The following ADGRL4 variants were observed in gnomAD, a reference collection of about 807,000 sequenced individuals.
ADGRL4 encodes the protein adhesion G protein-coupled receptor L4.
Under a neutral mutation model 74.8 loss-of-function variants are expected in ADGRL4, and 90 were observed. The ratio of observed to expected loss-of-function variants is 1.20; its 90% CI spans 1.02 to 1.43. ADGRL4 has a LOEUF of 1.43. Among genes scored for constraint, ADGRL4 ranks in the 40% most tolerant of loss-of-function variants. The probability of loss-of-function intolerance (pLI) is 0.00; values close to 1 mark genes in which losing one functional copy is unlikely to be tolerated. For synonymous variants in ADGRL4, 311 were observed against 279.2 expected (o/e 1.11, Z -1.14); for missense variants, 881 against 814.3 (o/e 1.08, Z -1.00).
chr1:78,997,084 G>A lies in ADGRL4; in HGVS notation c.172+7986C>T, dbSNP rs568786596. On this transcript the variant is annotated intron_variant, in intron 2 of 14. Coordinates refer to ENST00000370742, the MANE Select transcript of ADGRL4 (RefSeq NM_022159.4). ...ATCACAGACAAACCATGCAGTTAGC[G>A]TGAGAAAACACATTGATGATCACCT... 1.0e-3 allele frequency among the ~76,000 whole-genome samples: 153 copies of A among 152,154 alleles called. 3 individuals are homozygous for A. The South Asian group carries it at 0.021, about 21-fold the overall frequency.
intron 12 of ADGRL4, among the ~76,000 whole-genome samples, chr1:78,911,340 TA>T (rs370326311): frequency 0.016 from 2,396 of 151,946 alleles, 34 homozygotes; most frequent in Non-Finnish European, 0.022. Context: ...TATAAGGCCA[TA>T]AAAAATTTGC....
rs1649967982 is a variant in ADGRL4, at chr1:78,962,193, AT to A, written c.173-15768del. On this transcript the variant is annotated intron_variant, in intron 2 of 14. Coordinates refer to ENST00000370742, the MANE Select transcript of ADGRL4 (RefSeq NM_022159.4). ...ACCGGGCCCGGCCTTCCAGGCTATA[AT>A]TAAATCAACATTTAATGTGCTCCGA... Among the ~76,000 whole-genome samples the A allele has an allele frequency of 5.3e-5, 8 of 152,240 alleles. No individual in the cohort carries two copies. In the South Asian group the frequency reaches 1.7e-3, roughly 32 times the overall value.
intron 2 of ADGRL4, among the ~76,000 whole-genome samples, chr1:78,973,459 A>G (rs1650210692): frequency 6.6e-6 from 1 of 151,730 alleles, no homozygotes; most frequent in South Asian, 2.1e-4. Flanking sequence ...AAAGTTTCAA[A>G]TAAGGAATAC....
chr1:78,932,231 A>C (rs1649257622), intron 7 of ADGRL4, among the ~76,000 whole-genome samples: 1 of 151,522 alleles, frequency 6.6e-6, no homozygotes, highest in South Asian at 2.1e-4. Context: ...AGTCTCTCAG[A>C]TTACAGTGCA....
At chr1:78,961,022 TC>T (rs1353137533) in intron 2 of ADGRL4, among the ~76,000 whole-genome samples, 3 of 152,192 alleles carry the variant, frequency 2.0e-5, no homozygotes, top group Non-Finnish European at 4.4e-5. Context: ...TAAGTTTTTT[TC>T]ATCAAAATAT....
rs1412324803 is a variant in ADGRL4, at chr1:78,891,152, G to T, written c.*2C>A. On this transcript the variant is annotated 3_prime_UTR_variant, in exon 15 of 15. Coordinates refer to ENST00000370742, the MANE Select transcript of ADGRL4 (RefSeq NM_022159.4). ...GTTGTAATTATCCACCATTCTCTAT[G>T]TTTACCTTAAACATCCAAAACAACA... is the stretch of plus-strand genomic sequence containing the variant. 1.2e-6 allele frequency: 2 copies of T among 1,610,572 alleles called. No individual in the cohort carries two copies. The highest frequency in any genetic ancestry group is 1.3e-5 in the African/African-American group (1 of 74,766).
intron 12 of ADGRL4, among the ~76,000 whole-genome samples, chr1:78,903,216 G>A (rs1648556139): frequency 6.6e-6 from 1 of 152,068 alleles, no homozygotes; most frequent in African/African-American, 2.4e-5. Context: ...TCAGCCTACT[G>A]CATCATATTG....
rs182392403 is a variant in ADGRL4 at position 79,000,734 on chromosome 1, A to G, written c.172+4336T>C. Among the ~76,000 whole-genome samples, 22 of 152,310 alleles carry G rather than the reference A, an allele frequency of 1.4e-4. No homozygotes were observed. The East Asian group carries it at 3.3e-3, about 23-fold the overall frequency. ...TATTTTATTTATTTGAATGAAGTTT[A>G]CAGAAATCATGATCCTGGAAGGTAA... On this transcript the variant is annotated intron_variant, in intron 2 of 14. Coordinates refer to ENST00000370742, the MANE Select transcript of ADGRL4 (RefSeq NM_022159.4).
chr1:78,904,740 ATATT>A (rs544200532), intron 12 of ADGRL4, among the ~76,000 whole-genome samples: 134 of 152,130 alleles, frequency 8.8e-4, no homozygotes, highest in African/African-American at 2.4e-3. Context: ...GAAGATTAAT[ATATT>A]TAGTTATTTG....
Position 79,005,015 on chromosome 1 carries a change from C to T in ADGRL4, c.172+55G>A, listed in dbSNP as rs1054125595. The T allele has an allele frequency of 2.0e-6, 3 of 1,497,418 alleles. No homozygotes were observed. In the South Asian group the frequency reaches 3.8e-5, roughly 19 times the overall value. 92.8% of individuals were successfully genotyped at this position (1,497,418 alleles called of 1,614,324 possible). A position where few individuals can be genotyped will look rare whatever the true frequency, so the allele number is the denominator to read the frequency against. On this transcript the variant is annotated intron_variant, in intron 2 of 14. Transcript: ENST00000370742. ...GTTTCTGGAGGACAGAAAAGCAGTC[C>T]CATCAGAATTTAATCTTACAGTATA...
chr1:78,994,423 A>C (rs1650674492), intron 2 of ADGRL4, among the ~76,000 whole-genome samples: 1 of 152,208 alleles, frequency 6.6e-6, no homozygotes, highest in Non-Finnish European at 1.5e-5. Flanking sequence ...AAAATGGGGC[A>C]TCAACAAACC....
intron 2 of ADGRL4, among the ~76,000 whole-genome samples, chr1:78,971,657 G>C (rs1162394718): frequency 1.3e-5 from 2 of 152,204 alleles, no homozygotes; most frequent in African/African-American, 4.8e-5. Flanking sequence ...CCGGCTCCCA[G>C]CTGAACTAAG....
chr1:78,892,180 C>T (rs1224364631), intron 13 of ADGRL4, among the ~76,000 whole-genome samples: 2 of 152,004 alleles, frequency 1.3e-5, no homozygotes, highest in Non-Finnish European at 2.9e-5. Context: ...TGAGAAGAAA[C>T]GAACGTGTAG....
At chr1:78,988,736 G>A (rs146337574) in intron 2 of ADGRL4, among the ~76,000 whole-genome samples, 93 of 151,850 alleles carry the variant, frequency 6.1e-4, no homozygotes, top group African/African-American at 2.0e-3. Flanking sequence ...ACAGATCCAT[G>A]ATTTTTCTCA....
intron 12 of ADGRL4, among the ~76,000 whole-genome samples, chr1:78,901,159 A>G (rs2100654948): frequency 6.6e-6 from 1 of 152,290 alleles, no homozygotes; most frequent in Non-Finnish European, 1.5e-5. Flanking sequence ...GGGCATATTT[A>G]CACTTAAAAA....
At chr1:78,973,534 C>T (rs1650214482) in intron 2 of ADGRL4, among the ~76,000 whole-genome samples, 1 of 150,800 alleles carries the variant, frequency 6.6e-6, no homozygotes, top group Admixed American at 6.6e-5. Context: ...GCAAATCTCT[C>T]CTAAGTGATA....
rs554296818 is a variant in ADGRL4 at position 79,006,591 on chromosome 1, T to TC, written c.22+41dup. ...AATCCAGTCCCCTACAAGGGATTGGTCCCTCCGACGACCTCGGCGACCAGG... is the reference window on the plus strand; with the variant it reads ...AATCCAGTCCCCTACAAGGGATTGGTCCCCTCCGACGACCTCGGCGACCAGG... On this transcript the variant is annotated intron_variant, in intron 1 of 14. Coordinates refer to ENST00000370742, the MANE Select transcript of ADGRL4 (RefSeq NM_022159.4). 3.8e-4 allele frequency: 589 copies of TC among 1,533,500 alleles called. 3 individuals carry two copies. In the African/African-American group the frequency reaches 7.5e-3, roughly 19 times the overall value. The allele number at this position is 1,533,500 out of a possible 1,614,324, so 95.0% of individuals were successfully genotyped here. A position where few individuals can be genotyped will look rare whatever the true frequency, so the allele number is the denominator to read the frequency against.
intron 12 of ADGRL4, among the ~76,000 whole-genome samples, chr1:78,906,307 C>T (rs957588940): frequency 6.6e-6 from 1 of 151,914 alleles, no homozygotes; most frequent in African/African-American, 2.4e-5. Flanking sequence ...ATAGTATTAG[C>T]ACTTCATATT....
At chr1:78,916,642 T>C (rs890645811) in intron 12 of ADGRL4, among the ~76,000 whole-genome samples, 28 of 152,002 alleles carry the variant, frequency 1.8e-4, no homozygotes, top group Admixed American at 5.9e-4. Flanking sequence ...TAAAGCTTGA[T>C]GAAAATTCTC....
Sources: gnomAD v4.1 joint callset for allele counts (sites outside exome capture counted in the v4.1 genomes callset) on GRCh38, gnomAD v4.1.1 for gene constraint, MANE v1.5 for transcripts, NCBI Gene and HGNC (gene_info 2026-07-23, HGNC 2026-07-21) for gene names.